The following LINGO2 variants were observed in gnomAD, a reference collection of about 807,000 sequenced individuals.
LINGO2 encodes the protein leucine-rich repeat and immunoglobulin-like domain-containing nogo receptor-interacting protein 2.
Under a neutral mutation model 30.6 loss-of-function variants are expected in LINGO2, and 14 were observed. The observed-to-expected ratio is 0.46, with a 90% CI of 0.30 to 0.72. The LOEUF (loss-of-function observed/expected upper bound fraction) is 0.72, where lower values mean the gene tolerates loss of function less well. Ranked by LOEUF, LINGO2 falls within the 30% of genes least tolerant of loss-of-function variation. The probability of loss-of-function intolerance (pLI) is 0.07; values close to 1 mark genes in which losing one functional copy is unlikely to be tolerated. For synonymous variants in LINGO2, 317 were observed against 288.5 expected (o/e 1.10, Z -1.00); for missense variants, 729 against 751.7 (o/e 0.97, Z 0.35).
chr9:29,146,461 A>G, the LINGO2 span, among the ~76,000 whole-genome samples: 1 of 152,202 alleles, frequency 6.6e-6, no homozygotes, highest in Admixed American at 6.5e-5. Flanking sequence ...GCCCACAATT[A>G]CTTTTGCACC....
the LINGO2 span, among the ~76,000 whole-genome samples, chr9:28,970,418 A>C: frequency 2.0e-5 from 3 of 152,160 alleles, no homozygotes; most frequent in Admixed American, 6.5e-5. Context: ...CCTTCATCAG[A>C]ACAAAAAATC....
At chr9:28,943,119 G>A in the LINGO2 span, among the ~76,000 whole-genome samples, 28 of 152,230 alleles carry the variant, frequency 1.8e-4, no homozygotes, top group East Asian at 2.5e-3. Flanking sequence ...ACAAACTGTC[G>A]TATTAAGGGC....
At chr9:28,557,557 A>G (rs1249232006) in intron 1 of LINGO2, among the ~76,000 whole-genome samples, 1 of 152,018 alleles carries the variant, frequency 6.6e-6, no homozygotes, top group Non-Finnish European at 1.5e-5. Flanking sequence ...TGCGACTGTA[A>G]ACTAGTTCAA....
rs1204718452 is a variant in LINGO2 at position 28,506,489 on chromosome 9, C to CAT, written c.-364-30465_-364-30464insAT. 7.9e-4 allele frequency among the ~76,000 whole-genome samples: 62 copies of CAT among 78,968 alleles called. 9 individuals are homozygous for CAT. Among genetic ancestry groups the CAT allele is most frequent in the South Asian group, 2.6e-3 (6 of 2,350 alleles). The allele number at this position is 78,968 out of a possible 152,430, so 51.8% of individuals were successfully genotyped here. On this transcript the variant is annotated intron_variant, in intron 1 of 5. Transcript: ENST00000379992. ...ACACACACACACACACATACACATA[C>CAT]ACACACACACACAGACATATATATA...
chr9:28,553,283 C>T (rs1254786425), intron 1 of LINGO2, among the ~76,000 whole-genome samples: 2 of 151,890 alleles, frequency 1.3e-5, no homozygotes, highest in South Asian at 2.1e-4. Context: ...CTAGAATAAC[C>T]AATACAGAGA....
At chr9:29,003,794 A>G in the LINGO2 span, among the ~76,000 whole-genome samples, 1 of 152,032 alleles carries the variant, frequency 6.6e-6, no homozygotes, top group East Asian at 1.9e-4. Flanking sequence ...TATGTACTGC[A>G]TAAGTCAATG....
the LINGO2 span, among the ~76,000 whole-genome samples, chr9:28,851,978 G>A: frequency 6.6e-6 from 1 of 151,850 alleles, no homozygotes; most frequent in East Asian, 1.9e-4. Flanking sequence ...ACAGCAGAAA[G>A]TATCAGTATT....
Position 28,211,928 on chromosome 9 carries a change from A to AT in LINGO2, c.-87+83279dup, listed in dbSNP as rs551802805. 5.6e-4 allele frequency among the ~76,000 whole-genome samples: 82 copies of AT among 145,698 alleles called. 1 individual carries two copies. The highest frequency in any genetic ancestry group is 2.4e-3 in the East Asian group (12 of 4,990). On this transcript the variant is annotated intron_variant, in intron 4 of 5. Transcript: ENST00000379992. ...ATTCTGCTTTGCATTCTCATGCTTAATTTTTTTTTTTATCGATTACTTTCA... is the reference window on the plus strand; with the variant it reads ...ATTCTGCTTTGCATTCTCATGCTTAATTTTTTTTTTTTATCGATTACTTTCA...
At chr9:28,713,742 C>T in the LINGO2 span, among the ~76,000 whole-genome samples, 1 of 152,024 alleles carries the variant, frequency 6.6e-6, no homozygotes, top group Non-Finnish European at 1.5e-5. Flanking sequence ...GCAGTGGCTA[C>T]CACAATAAAG....
intron 3 of LINGO2, among the ~76,000 whole-genome samples, chr9:28,300,137 A>C (rs997613145): frequency 9.9e-5 from 15 of 151,970 alleles, no homozygotes; most frequent in Non-Finnish European, 1.6e-4. Context: ...AAAAAAAAAA[A>C]AAAAAACAAA....
At chr9:28,598,418 C>CAAAAAAA (rs766825127) in intron 1 of LINGO2, among the ~76,000 whole-genome samples, 6 of 109,036 alleles carry the variant, frequency 5.5e-5, no homozygotes, top group Non-Finnish European at 7.3e-5. Context: ...TTCTCCATAT[C>CAAAAAAA]AAAAAAAAAA....
the LINGO2 span, among the ~76,000 whole-genome samples, chr9:28,999,726 A>G: frequency 6.6e-6 from 1 of 152,172 alleles, no homozygotes; most frequent in South Asian, 2.1e-4. Context: ...AGGAAAAAAT[A>G]GGGATAATTT....
intron 1 of LINGO2, among the ~76,000 whole-genome samples, chr9:28,490,742 A>G (rs1402889817): frequency 6.6e-6 from 1 of 152,210 alleles, no homozygotes; most frequent in Non-Finnish European, 1.5e-5. Flanking sequence ...ACATTCTCAC[A>G]TAATACTGGG....
At chr9:28,915,064 G>A in the LINGO2 span, among the ~76,000 whole-genome samples, 1 of 152,086 alleles carries the variant, frequency 6.6e-6, no homozygotes. Flanking sequence ...CCCGGGAGGC[G>A]GAGGTTGCAG....
intron 1 of LINGO2, among the ~76,000 whole-genome samples, chr9:28,587,543 T>C (rs1587915878): frequency 6.6e-6 from 1 of 151,910 alleles, no homozygotes; most frequent in Admixed American, 6.6e-5. Flanking sequence ...TGACCTTGGC[T>C]ACCTGACTGT....
intron 5 of LINGO2, among the ~76,000 whole-genome samples, chr9:27,981,588 A>AAAAAAAAAAAAAAAAACAAAAAC (rs1199458080): frequency 6.7e-6 from 1 of 149,928 alleles, no homozygotes. Flanking sequence ...AAAGAAAAAA[A>AAAAAAAAAAAAAAAAACAAAAAC]ATTTCCTATA....
the LINGO2 span, among the ~76,000 whole-genome samples, chr9:28,886,298 CA>C: frequency 6.6e-6 from 1 of 151,736 alleles, no homozygotes; most frequent in Non-Finnish European, 1.5e-5. Context: ...AATGGAGGCT[CA>C]AAAAATTGGA....
the LINGO2 span, among the ~76,000 whole-genome samples, chr9:28,713,527 T>G: frequency 1.3e-5 from 2 of 152,160 alleles, no homozygotes; most frequent in Non-Finnish European, 2.9e-5. Context: ...CTCCATGCTC[T>G]TTCCTTCTGG....
intron 4 of LINGO2, among the ~76,000 whole-genome samples, chr9:28,265,262 A>G (rs1421231905): frequency 6.6e-6 from 1 of 151,950 alleles, no homozygotes; most frequent in Non-Finnish European, 1.5e-5. Context: ...TTCTGAGGAT[A>G]AAAAGGCACA....
Sources: gnomAD v4.1 joint callset for allele counts (sites outside exome capture counted in the v4.1 genomes callset) on GRCh38, gnomAD v4.1.1 for gene constraint, MANE v1.5 for transcripts, NCBI Gene and HGNC (gene_info 2026-07-23, HGNC 2026-07-21) for gene names.